Variants in PCDHAC1 observed in about 807,000 individuals in gnomAD.
The protein encoded by PCDHAC1 is protocadherin alpha-C1.
Under a neutral mutation model 60.0 loss-of-function variants are expected in PCDHAC1, and 42 were observed. That is an observed-to-expected ratio of 0.70 (90% CI 0.55 to 0.90). The LOEUF is 0.90. Ranked by LOEUF, PCDHAC1 falls within the 40% of genes least tolerant of loss-of-function variation. PCDHAC1 has a pLI of 0.00. For missense variants in PCDHAC1, 1,160 were observed against 1,222.3 expected (o/e 0.95, Z 0.76); for synonymous variants, 468 against 499.3 (o/e 0.94, Z 0.84).
chr5:140,943,729 A>G (rs1215938127), intron 1 of PCDHAC1, among the ~76,000 whole-genome samples: 1 of 152,374 alleles, frequency 6.6e-6, no homozygotes, highest in South Asian at 2.1e-4. Context: ...TGAGAGAATG[A>G]AAGTCCACAG....
In PCDHAC1 at chr5:140,929,207, G is replaced by A. The variant is rs782298445; in HGVS notation, c.2315G>A (p.Arg772His). The A allele has an allele frequency of 3.7e-6, 6 of 1,614,104 alleles. No individual in the cohort carries two copies. The highest frequency in any genetic ancestry group is 2.2e-5 in the East Asian group (1 of 44,884). Residue 772 changes from arginine (R) to histidine (H), a missense_variant, in exon 1 of 4, where the codon CGT (arginine) becomes CAT (histidine). Around this residue, in one of 3 missense-constraint regions of PCDHAC1, gnomAD observed 1,113 missense variants for 1,163.7 expected, o/e 0.96. Transcript: ENST00000253807. ...TCTGATAATAACAGTTTGCTGTTGC[G>A]TGGGGAGTACAATGCTGCCGACCTG... ...LGSDNNSLLLRGEYNAADLRN... is the reference protein window; with the variant it reads ...LGSDNNSLLLHGEYNAADLRN...
chr5:140,974,146 A>G (rs1208366709), intron 1 of PCDHAC1, among the ~76,000 whole-genome samples: 1 of 152,260 alleles, frequency 6.6e-6, no homozygotes, highest in Non-Finnish European at 1.5e-5. Context: ...TGAAAACTAT[A>G]CAAGGGTTTT....
At position 140,953,007 on chromosome 5, in the gene PCDHAC1, T is replaced by C. The variant is rs186896706; in HGVS notation, c.2433+23682T>C. ...TCTCATGAGAACTCTCTCACTATTA[T>C]GAGAACAACATTAAGGGGGAAATCC... On this transcript the variant is annotated intron_variant, in intron 1 of 3. Transcript: ENST00000253807. 5.5e-4 allele frequency among the ~76,000 whole-genome samples: 84 copies of C among 152,242 alleles called. 1 individual carries two copies. In the East Asian group the frequency reaches 0.015, roughly 27 times the overall value.
chr5:140,988,423 T>G (rs2097297373), intron 3 of PCDHAC1, among the ~76,000 whole-genome samples: 2 of 152,176 alleles, frequency 1.3e-5, no homozygotes. Context: ...GTAAAGAATT[T>G]GTTTGTTTTG....
At position 140,932,218 on chromosome 5, in the gene PCDHAC1, T is replaced by G. The variant is rs556134668; in HGVS notation, c.2433+2893T>G. ...TCTGTTAATATTCTTGATGGGCAATTTAAATTTTTTAGAATGGTATCTAAG... is the reference window on the plus strand; with the variant it reads ...TCTGTTAATATTCTTGATGGGCAATGTAAATTTTTTAGAATGGTATCTAAG... On this transcript the variant is annotated intron_variant, in intron 1 of 3. Coordinates refer to ENST00000253807, the MANE Select transcript of PCDHAC1 (RefSeq NM_018898.5). Among the ~76,000 whole-genome samples, 20 of 152,034 alleles carry G rather than the reference T, an allele frequency of 1.3e-4. 1 individual carries two copies. Among genetic ancestry groups the G allele is most frequent in the Middle Eastern group, 3.4e-3 (1 of 292 alleles).
At chr5:140,954,367 C>T (rs246024) in intron 1 of PCDHAC1, among the ~76,000 whole-genome samples, 85,692 of 152,060 alleles carry the variant, frequency 0.56, 24,769 homozygotes, top group African/African-American at 0.69. Context: ...CACACAGTCT[C>T]CCACAATGAG....
chr5:141,009,562 C>T, intron 3 of PCDHAC1, 65 bp from the exon 4 acceptor site: 7 of 1,571,344 alleles, frequency 4.5e-6, no homozygotes, highest in Non-Finnish European at 6.0e-6. Flanking sequence ...CTGTACTCTA[C>T]CAGCAGTGTG....
chr5:140,968,068 C>T (rs1554230278), intron 1 of PCDHAC1: 1 of 1,614,024 alleles, frequency 6.2e-7, no homozygotes, highest in East Asian at 2.2e-5. Context: ...GGGTGGCTGT[C>T]TACAACATCA....
At chr5:140,967,371 A>C in intron 1 of PCDHAC1, 1 of 1,607,094 alleles carries the variant, frequency 6.2e-7, no homozygotes, top group Non-Finnish European at 8.5e-7. Context: ...CCCCTGCAGG[A>C]GAACAGTAAA....
chr5:140,934,706 T>G (rs141577289), intron 1 of PCDHAC1, among the ~76,000 whole-genome samples: 348 of 152,292 alleles, frequency 2.3e-3, no homozygotes, highest in African/African-American at 8.1e-3. Context: ...CCTGGCCATC[T>G]TACAAAAAGG....
At chr5:141,001,143 G>T (rs1310182286) in intron 3 of PCDHAC1, among the ~76,000 whole-genome samples, 1 of 151,914 alleles carries the variant, frequency 6.6e-6, no homozygotes, top group Admixed American at 6.5e-5. Context: ...ATCTTCTGTT[G>T]CTCTGATCTT....
chr5:140,985,716 A>G (rs960879186), intron 3 of PCDHAC1, among the ~76,000 whole-genome samples: 7 of 113,758 alleles, frequency 6.2e-5, no homozygotes, highest in Admixed American at 2.6e-4. Flanking sequence ...TCTTAAAGTT[A>G]TTTTTCCTTC....
rs1169981457 is a variant in PCDHAC1, at chr5:140,955,139, G to GT, written c.2434-23805dup. ...TTCTGTTCCACTGGTCTACACGTCT[G>GT]TTTTTGTACCAGTACCGTGCTGTTT... On this transcript the variant is annotated intron_variant, in intron 1 of 3. Coordinates refer to ENST00000253807, the MANE Select transcript of PCDHAC1 (RefSeq NM_018898.5). Among the ~76,000 whole-genome samples the GT allele has an allele frequency of 2.0e-5, 3 of 152,138 alleles. No homozygotes were observed. The East Asian group carries it at 5.8e-4, about 29-fold the overall frequency.
intron 1 of PCDHAC1, among the ~76,000 whole-genome samples, chr5:140,976,505 C>T (rs538128648): frequency 3.3e-5 from 5 of 152,122 alleles, no homozygotes; most frequent in East Asian, 3.9e-4. Flanking sequence ...GAGCCAAGAT[C>T]GCGCCACTGC....
intron 1 of PCDHAC1, among the ~76,000 whole-genome samples, chr5:140,977,768 A>G (rs1264929933): frequency 1.3e-5 from 2 of 152,218 alleles, no homozygotes; most frequent in Non-Finnish European, 1.5e-5. Context: ...AATACTTTGC[A>G]TCCCTTAAAG....
Position 141,009,665 on chromosome 5 carries a change from G to T in PCDHAC1, c.2620G>T (p.Gly874Cys). 6.2e-7 allele frequency: 1 copy of T among 1,614,022 alleles called. No individual in the cohort carries two copies. Among genetic ancestry groups the T allele is most frequent in the Non-Finnish European group, 8.5e-7 (1 of 1,180,006 alleles). The change falls in exon 4 of 4, where the codon GGT becomes TGT. Residue 874 changes from glycine to cysteine, a missense_variant. By Grantham distance (159) the Gly-to-Cys change is radical (BLOSUM62 -3). Transcript: ENST00000253807. The stretch of plus-strand genomic sequence containing the variant: ...AGAAGTGTCCCCTCCAGTCGGTGCG[G>T]GTGTCAACAGCAACAGCTGGACCTT... ...AGEVSPPVGA[G>C]VNSNSWTFKY...
chr5:140,967,836 A>G, intron 1 of PCDHAC1: 1 of 1,614,136 alleles, frequency 6.2e-7, no homozygotes, highest in African/African-American at 1.3e-5. Flanking sequence ...GACATCGTGG[A>G]CGTGAATGAC....
In PCDHAC1 at chr5:140,928,802, TG is replaced by T; in HGVS notation, c.1912del (p.Val638PhefsTer19). ...TDAVKQRVVV[V>X]VRDHGDPPLS... is the part of the protein sequence containing the mutation. ...GCAGTTAAGCAGAGGGTGGTGGTAG[TG>T]GTTCGGGACCATGGAGACCCACCAC... On this transcript the variant is annotated frameshift_variant, in exon 1 of 4. Transcript: ENST00000253807. LOFTEE classifies it high-confidence loss of function. 6.2e-7 allele frequency: 1 copy of T among 1,614,142 alleles called. No homozygotes were observed. The highest frequency in any genetic ancestry group is 1.1e-5 in the South Asian group (1 of 91,078).
chr5:140,984,658 A>G (rs1421972508), intron 3 of PCDHAC1, among the ~76,000 whole-genome samples: 1 of 152,146 alleles, frequency 6.6e-6, no homozygotes, highest in Non-Finnish European at 1.5e-5. Flanking sequence ...TCCTTCTGGT[A>G]CTTTTAGGTT....
Sources: gnomAD v4.1 joint callset for allele counts (sites outside exome capture counted in the v4.1 genomes callset) on GRCh38, gnomAD v4.1.1 for gene constraint, gnomAD v4.1.1 regional missense constraint, MANE v1.5 for transcripts, NCBI Gene and HGNC (gene_info 2026-07-23, HGNC 2026-07-21) for gene names.